The following TAF1B variants were observed in gnomAD, a reference collection of about 807,000 sequenced individuals.
TAF1B encodes the protein TATA box-binding protein-associated factor RNA polymerase I subunit B.
In TAF1B, 61 loss-of-function variants were observed where a neutral mutation model predicts 83.9. The ratio of observed to expected loss-of-function variants is 0.73; its 90% CI spans 0.59 to 0.90. The LOEUF (loss-of-function observed/expected upper bound fraction) is 0.90. Among genes scored for constraint, TAF1B ranks in the 40% least tolerant of loss-of-function variants. The probability of loss-of-function intolerance (pLI) is 0.00; values close to 1 mark genes in which losing one functional copy is unlikely to be tolerated. For synonymous variants in TAF1B, 221 were observed against 224.6 expected (o/e 0.98, Z 0.14); for missense variants, 625 against 677.0 (o/e 0.92, Z 0.85).
At chr2:9,891,306 A>G (rs1313991451) in intron 8 of TAF1B, among the ~76,000 whole-genome samples, 1 of 152,178 alleles carries the variant, frequency 6.6e-6, no homozygotes, top group African/African-American at 2.4e-5. Flanking sequence ...TATACCATAT[A>G]TAATTATGTG....
At chr2:9,888,790 GTTTTTTTTTTTTTTTTT>G (rs56125595) in intron 8 of TAF1B, among the ~76,000 whole-genome samples, 8 of 81,668 alleles carry the variant, frequency 9.8e-5, no homozygotes, top group African/African-American at 1.6e-4. Context: ...CTTCTGCTTG[GTTTTTTTTTTTTTTTTT>G]TTTTTTTTTT....
chr2:9,928,593 T>C (rs1272568738), intron 14 of TAF1B, among the ~76,000 whole-genome samples: 5 of 152,356 alleles, frequency 3.3e-5, no homozygotes, highest in African/African-American at 7.2e-5. Flanking sequence ...TAAGTTGGAT[T>C]CCTAGGTATT....
chr2:9,849,352 G>T, intron 2 of TAF1B, 21 bp from the exon 3 acceptor site: 1 of 1,549,512 alleles, frequency 6.5e-7, no homozygotes, highest in Non-Finnish European at 8.7e-7. Flanking sequence ...TTTTTTAATG[G>T]TCTTTTTCTC....
chr2:9,884,097 ATATGCCACCTGC>A (rs2125155868), intron 8 of TAF1B, among the ~76,000 whole-genome samples: 1 of 152,336 alleles, frequency 6.6e-6, no homozygotes, highest in South Asian at 2.1e-4. Flanking sequence ...GGCCAGTCAG[ATATGCCACCTGC>A]TGCAGCGGGG....
intron 8 of TAF1B, among the ~76,000 whole-genome samples, chr2:9,891,570 T>C (rs903074060): frequency 2.0e-5 from 3 of 152,208 alleles, no homozygotes; most frequent in African/African-American, 7.2e-5. Context: ...AAAGTGTACT[T>C]CTTCTACTTA....
intron 8 of TAF1B, among the ~76,000 whole-genome samples, chr2:9,888,466 C>T (rs1434262196): frequency 6.6e-6 from 1 of 152,080 alleles, no homozygotes; most frequent in Non-Finnish European, 1.5e-5. Context: ...TCTTGTAGTA[C>T]AGTTCTGCTG....
intron 7 of TAF1B, among the ~76,000 whole-genome samples, chr2:9,882,292 G>C (rs530508234): frequency 6.6e-6 from 1 of 152,172 alleles, no homozygotes; most frequent in East Asian, 1.9e-4. Flanking sequence ...TAGAGACGGG[G>C]TTTCACCATA....
At position 9,914,323 on chromosome 2, in the gene TAF1B, T is replaced by A. The variant is rs1401703164; in HGVS notation, c.1271+1074T>A. On this transcript the variant is annotated intron_variant, in intron 12 of 14. Transcript: ENST00000263663. This position sits in a 1 kb window ranked among gnomAD's most constrained non-coding sequence, Gnocchi z 4.3. ...CCCATGGATTCCCAGGAAACCAGGC[T>A]CCCTGCCTCCTCATCAGAGAAGGAG... 6.6e-6 allele frequency among the ~76,000 whole-genome samples: 1 copy of A among 151,812 alleles called. No homozygotes were observed. Among genetic ancestry groups the A allele is most frequent in the Non-Finnish European group, 1.5e-5 (1 of 67,934 alleles).
intron 5 of TAF1B, among the ~76,000 whole-genome samples, chr2:9,858,812 G>A (rs994880019): frequency 7.9e-5 from 12 of 152,336 alleles, no homozygotes; most frequent in Admixed American, 1.3e-4. Context: ...GATGCAGGGC[G>A]CCATATCCTG....
intron 12 of TAF1B, among the ~76,000 whole-genome samples, chr2:9,918,446 A>G (rs34860209): frequency 0.31 from 47,743 of 152,024 alleles, 7,897 homozygotes; most frequent in African/African-American, 0.39. Flanking sequence ...GCAATCCAGG[A>G]TCCCCATTTT....
chr2:9,932,185 T>C (rs1666235799), intron 14 of TAF1B, among the ~76,000 whole-genome samples: 1 of 152,272 alleles, frequency 6.6e-6, no homozygotes. Flanking sequence ...GTCAAAGTCA[T>C]TCTCCATCCA....
chr2:9,868,666 C>G, intron 6 of TAF1B: 1 of 653,206 alleles, frequency 1.5e-6, no homozygotes, highest in Non-Finnish European at 2.9e-6. Flanking sequence ...TTTAAAGGGA[C>G]ATAAAGTTCA....
At position 9,849,452 on chromosome 2, in the gene TAF1B, A is replaced by AT; in HGVS notation, c.197_198insT (p.Asn67GlnfsTer3). The AT allele has an allele frequency of 6.4e-7, 1 of 1,553,370 alleles. No individual in the cohort carries two copies. Among genetic ancestry groups the AT allele is most frequent in the Non-Finnish European group, 8.7e-7 (1 of 1,150,462 alleles). The stretch of plus-strand genomic sequence containing the variant: ...CTCAACCGGGGGCTTAAAAAAAAAA[A>AT]CAATACTGGTAAGTTCTTTCTTCAT... On this transcript the variant is annotated frameshift_variant, in exon 3 of 15. Transcript: ENST00000263663. LOFTEE classifies it high-confidence loss of function.
intron 14 of TAF1B, among the ~76,000 whole-genome samples, chr2:9,922,233 C>T (rs975303656): frequency 6.6e-6 from 1 of 152,136 alleles, no homozygotes; most frequent in Admixed American, 6.5e-5. Flanking sequence ...TGATCTTTTC[C>T]TCTTCTCAAA....
intron 5 of TAF1B, 111 bp downstream of exon 5, chr2:9,854,532 G>T: frequency 1.3e-6 from 1 of 744,016 alleles, no homozygotes; most frequent in South Asian, 1.8e-5. Context: ...CTTGTCAGAG[G>T]ATTTTCAGTT....
intron 5 of TAF1B, among the ~76,000 whole-genome samples, chr2:9,859,489 C>T (rs75518011): frequency 0.24 from 36,533 of 151,052 alleles, 4,968 homozygotes; most frequent in East Asian, 0.31. Flanking sequence ...TGGATTCAAG[C>T]GATTTTTGTG....
intron 8 of TAF1B, among the ~76,000 whole-genome samples, chr2:9,892,734 G>A (rs773366788): frequency 6.6e-6 from 1 of 150,648 alleles, no homozygotes; most frequent in African/African-American, 2.4e-5. Flanking sequence ...ATGCTGCAGT[G>A]AACCCCATCA....
chr2:9,849,220 GA>G (rs750527997), intron 2 of TAF1B, among the ~76,000 whole-genome samples, 152 bp from the exon 3 acceptor site: 9 of 152,140 alleles, frequency 5.9e-5, no homozygotes, highest in Non-Finnish European at 1.3e-4. Context: ...ACATTAACTA[GA>G]ATGTTAAATG....
chr2:9,921,857 TATAATA>T (rs1270649975), intron 14 of TAF1B, among the ~76,000 whole-genome samples: 1 of 152,246 alleles, frequency 6.6e-6, no homozygotes, highest in Non-Finnish European at 1.5e-5. Context: ...TTCCGTTTTA[TATAATA>T]ATAGCGAAAA....
Sources: gnomAD v4.1 joint callset for allele counts (sites outside exome capture counted in the v4.1 genomes callset) on GRCh38, gnomAD v4.1.1 for gene constraint, Gnocchi (gnomAD v3.1) non-coding constraint, MANE v1.5 for transcripts, NCBI Gene and HGNC (gene_info 2026-07-23, HGNC 2026-07-21) for gene names.